PTPRJ: variants seen among roughly 807,000 people sequenced by gnomAD.
The protein encoded by PTPRJ is receptor-type tyrosine-protein phosphatase eta.
A neutral mutation model predicts 141.3 loss-of-function variants in PTPRJ; 129 were observed. The observed-to-expected ratio is 0.91, with a 90% CI of 0.79 to 1.06. The LOEUF is 1.06. Ranked by LOEUF, PTPRJ falls within the 50% of genes least tolerant of loss-of-function variation. PTPRJ has a pLI of 0.00. For synonymous variants in PTPRJ, 610 were observed against 640.5 expected (o/e 0.95, Z 0.72); for missense variants, 1,601 against 1,679.7 (o/e 0.95, Z 0.82).
intron 11 of PTPRJ, among the ~76,000 whole-genome samples, chr11:48,140,927 CAG>C (rs1857216915): frequency 1.3e-5 from 2 of 152,234 alleles, no homozygotes; most frequent in Non-Finnish European, 2.9e-5. Context: ...GGTCACCTCT[CAG>C]GGGCTTGGCA....
intron 1 of PTPRJ, among the ~76,000 whole-genome samples, chr11:48,044,496 C>T (rs12099166): frequency 0.046 from 6,957 of 152,200 alleles, 193 homozygotes; most frequent in East Asian, 0.072. Context: ...GGCTGGCTAG[C>T]GAGGTTGGGC....
At chr11:48,000,649 A>G (rs1023788006) in intron 1 of PTPRJ, among the ~76,000 whole-genome samples, 2 of 151,932 alleles carry the variant, frequency 1.3e-5, no homozygotes, top group South Asian at 4.2e-4. Flanking sequence ...ACCTGGCTCT[A>G]GTACAACAGA....
intron 1 of PTPRJ, among the ~76,000 whole-genome samples, chr11:47,991,083 C>T (rs985872444): frequency 8.6e-5 from 13 of 152,028 alleles, no homozygotes; most frequent in African/African-American, 2.9e-4. Flanking sequence ...ATTATATATA[C>T]ACACACAGAC....
At chr11:48,055,842 T>C (rs1337167714) in intron 1 of PTPRJ, among the ~76,000 whole-genome samples, 1 of 152,222 alleles carries the variant, frequency 6.6e-6, no homozygotes. Flanking sequence ...CTGGGAGCAA[T>C]AAGCAGTGCT....
At chr11:48,042,776 G>A (rs891281790) in intron 1 of PTPRJ, among the ~76,000 whole-genome samples, 2 of 151,426 alleles carry the variant, frequency 1.3e-5, no homozygotes, top group Admixed American at 1.3e-4. Flanking sequence ...GTGTGTGTGT[G>A]TGTGTGTGTG....
Position 48,128,043 on chromosome 11 carries a change from C to T in PTPRJ, c.1357C>T (p.Pro453Ser), listed in dbSNP as rs751516075. The T allele has an allele frequency of 3.1e-6, 5 of 1,610,532 alleles. No individual in the cohort carries two copies. Among genetic ancestry groups the T allele is most frequent in the South Asian group, 2.2e-5 (2 of 90,994 alleles). ...GTPGFLQVHT[P>S]PVPVSDFRVT... ...GCCGGGCTTCCTCCAAGTGCACACC[C>T]GTGAGTTCATGCCTGGCTCTCACCA... The change falls in exon 7 of 25, where the codon CCC (proline) becomes TCC (serine). Residue 453 changes from proline (P) to serine (S), a missense_variant and splice_region_variant. By Grantham distance (74) the Pro-to-Ser change is moderately conservative. Coordinates refer to ENST00000418331, the MANE Select transcript of PTPRJ (RefSeq NM_002843.4).
intron 14 of PTPRJ, among the ~76,000 whole-genome samples, chr11:48,146,122 C>G (rs755258355): frequency 6.6e-6 from 1 of 152,192 alleles, no homozygotes; most frequent in Non-Finnish European, 1.5e-5. Flanking sequence ...CAGGTGTGAG[C>G]CACTGTGCTC....
chr11:48,102,682 G>C lies in PTPRJ; in HGVS notation c.97-7376G>C, dbSNP rs183012927. Among the ~76,000 whole-genome samples the C allele has an allele frequency of 2.8e-3, 421 of 152,170 alleles. 4 individuals are homozygous for C. The highest frequency in any genetic ancestry group is 4.9e-3 in the Non-Finnish European group (334 of 67,992). Reference sequence around the variant, plus strand: ...TCCACCTGCCTCAGCCTCTAAAAGTGCTGGGATTACAAGTGTGAGCCACTG... The same window carrying C: ...TCCACCTGCCTCAGCCTCTAAAAGTCCTGGGATTACAAGTGTGAGCCACTG... On this transcript the variant is annotated intron_variant, in intron 1 of 24. Coordinates refer to ENST00000418331, the MANE Select transcript of PTPRJ (RefSeq NM_002843.4).
chr11:48,064,538 A>G lies in PTPRJ; in HGVS notation c.97-45520A>G. 1.3e-5 allele frequency among the ~76,000 whole-genome samples: 2 copies of G among 152,106 alleles called. 1 individual carries two copies. On this transcript the variant is annotated intron_variant, in intron 1 of 24. Coordinates refer to ENST00000418331, the MANE Select transcript of PTPRJ (RefSeq NM_002843.4). ...TTCCTGCTCCCTGAGAATCCTCAGC[A>G]TGTTTTCCTGCTGAGCAAGGAGTGA... is the stretch of plus-strand genomic sequence containing the variant.
intron 1 of PTPRJ, among the ~76,000 whole-genome samples, chr11:48,074,123 G>A (rs1165039749): frequency 6.6e-6 from 1 of 152,048 alleles, no homozygotes; most frequent in African/African-American, 2.4e-5. Context: ...GGGACTACAG[G>A]CACATGCCAC....
At chr11:48,027,035 C>T (rs1206676473) in intron 1 of PTPRJ, among the ~76,000 whole-genome samples, 4 of 119,652 alleles carry the variant, frequency 3.3e-5, no homozygotes, top group African/African-American at 6.5e-5. Flanking sequence ...GACGGCGTCT[C>T]GCTTTGTTGC....
intron 3 of PTPRJ, among the ~76,000 whole-genome samples, chr11:48,113,968 A>T (rs776467541): frequency 1.6e-4 from 25 of 152,326 alleles, no homozygotes; most frequent in Middle Eastern, 3.4e-3. Context: ...GTCTAAAAGC[A>T]TTGTAAATTA....
chr11:48,118,127 A>G (rs1232164807), intron 3 of PTPRJ, among the ~76,000 whole-genome samples: 2 of 152,254 alleles, frequency 1.3e-5, no homozygotes, highest in Non-Finnish European at 2.9e-5. Context: ...TCTGTCACCC[A>G]GGCTGGAGTA....
At chr11:48,160,107 G>T (rs1437431894) in intron 22 of PTPRJ, 58 bp downstream of exon 22, 33 of 1,589,716 alleles carry the variant, frequency 2.1e-5, no homozygotes, top group African/African-American at 2.7e-5. Flanking sequence ...TAATTTGGGG[G>T]TGATATGTTT....
At chr11:48,033,341 G>C (rs1854037282) in intron 1 of PTPRJ, among the ~76,000 whole-genome samples, 1 of 152,230 alleles carries the variant, frequency 6.6e-6, no homozygotes, top group Middle Eastern at 3.4e-3. Context: ...GAGATGCTGA[G>C]CAGTCTGCAG....
intron 3 of PTPRJ, among the ~76,000 whole-genome samples, chr11:48,118,874 G>T (rs2134336056): frequency 6.6e-6 from 1 of 152,118 alleles, no homozygotes; most frequent in Non-Finnish European, 1.5e-5. Context: ...GGTGACATTA[G>T]CTGGGCATGA....
chr11:47,994,991 T>C (rs1341533151), intron 1 of PTPRJ, among the ~76,000 whole-genome samples: 15 of 152,202 alleles, frequency 9.9e-5, no homozygotes, highest in Non-Finnish European at 2.2e-4. Context: ...ACTGACAATA[T>C]ATTGCAAACG....
At chr11:48,152,732 G>C (rs1293104775) in intron 18 of PTPRJ, among the ~76,000 whole-genome samples, 1 of 152,152 alleles carries the variant, frequency 6.6e-6, no homozygotes, top group Non-Finnish European at 1.5e-5. Flanking sequence ...AGATCAGATG[G>C]TTGTAGATGT....
intron 5 of PTPRJ, among the ~76,000 whole-genome samples, chr11:48,124,618 G>C (rs1856793143): frequency 6.6e-6 from 1 of 152,192 alleles, no homozygotes; most frequent in African/African-American, 2.4e-5. Flanking sequence ...TGTCTTGAGT[G>C]GGGTCTGATT....
Sources: allele counts gnomAD v4.1 joint callset (sites outside exome capture counted in the v4.1 genomes callset), GRCh38; gene constraint gnomAD v4.1.1; transcripts MANE v1.5; gene names NCBI Gene and HGNC (gene_info 2026-07-23, HGNC 2026-07-21).